CERK: variants seen among roughly 807,000 people sequenced by gnomAD.
CERK encodes ceramide kinase.
CERK carries 39 observed loss-of-function variants against 63.4 expected under a neutral mutation model. The observed-to-expected ratio is 0.61, with a 90% CI of 0.48 to 0.80. CERK has a LOEUF of 0.80. CERK is among the 30% of genes least tolerant of loss of function. The pLI is 0.00. For synonymous variants in CERK, 302 were observed against 280.0 expected (o/e 1.08, Z -0.78); for missense variants, 670 against 714.1 (o/e 0.94, Z 0.70).
At chr22:46,712,883 C>T (rs1341423247) in intron 3 of CERK, among the ~76,000 whole-genome samples, 6 of 143,942 alleles carry the variant, frequency 4.2e-5, no homozygotes, top group Admixed American at 7.1e-5. Context: ...CTCGCTCTGT[C>T]GCCCAGGCTG....
In CERK at chr22:46,699,815, G is replaced by A. The variant is rs545906159; in HGVS notation, c.791-350C>T. 5.9e-5 allele frequency among the ~76,000 whole-genome samples: 9 copies of A among 152,370 alleles called. No homozygotes were observed. The East Asian group carries it at 1.7e-3, about 29-fold the overall frequency. ...TTTAAAATACAAAATCAAGCCGAGT[G>A]CAGTGGTTCACGCCTGTAATCCCAG... On this transcript the variant is annotated intron_variant, in intron 7 of 12. Coordinates refer to ENST00000216264, the MANE Select transcript of CERK (RefSeq NM_022766.6).
At chr22:46,696,893 G>T (rs988936946) in intron 8 of CERK, among the ~76,000 whole-genome samples, 2 of 152,240 alleles carry the variant, frequency 1.3e-5, no homozygotes, top group Non-Finnish European at 2.9e-5. Flanking sequence ...CCAGCAGGCA[G>T]GGACAGGGAG....
chr22:46,695,002 T>C (rs1456338551), intron 9 of CERK, among the ~76,000 whole-genome samples: 9 of 152,220 alleles, frequency 5.9e-5, no homozygotes, highest in Admixed American at 5.9e-4. Flanking sequence ...CAGCAGCAGC[T>C]GCCTGCGCAG....
chr22:46,689,965 T>G, intron 12 of CERK, 27 bp downstream of exon 12: 1 of 1,562,424 alleles, frequency 6.4e-7, no homozygotes, highest in Non-Finnish European at 8.7e-7. Context: ...GGGATGGCGC[T>G]GGTGGCTGGA....
intron 9 of CERK, 70 bp from the exon 10 acceptor site, chr22:46,693,573 T>C (rs1014765063): frequency 4.9e-6 from 6 of 1,224,980 alleles, no homozygotes; most frequent in East Asian, 2.3e-5. Flanking sequence ...TTGGCACATA[T>C]AGATGTATTT....
At chr22:46,702,223 A>ATATGTGTGTGTG (rs1555984593) in intron 6 of CERK, among the ~76,000 whole-genome samples, 8 of 84,786 alleles carry the variant, frequency 9.4e-5, no homozygotes, top group Admixed American at 3.1e-4. Flanking sequence ...AAATATATAT[A>ATATGTGTGTGTG]TGTGTGTGTG....
At chr22:46,725,488 G>A (rs1356747520) in intron 1 of CERK, among the ~76,000 whole-genome samples, 1 of 152,220 alleles carries the variant, frequency 6.6e-6, no homozygotes, top group African/African-American at 2.4e-5. Context: ...TCCCCGCACA[G>A]CACGTGGTGT....
chr22:46,719,820 C>A (rs9627539), intron 3 of CERK, among the ~76,000 whole-genome samples: 4,712 of 152,340 alleles, frequency 0.031, 248 homozygotes, highest in African/African-American at 0.11. Context: ...GAAACTGAGG[C>A]TCAGAAGGGT....
At chr22:46,694,156 G>A (rs553597667) in intron 9 of CERK, among the ~76,000 whole-genome samples, 16 of 152,238 alleles carry the variant, frequency 1.1e-4, no homozygotes, top group Non-Finnish European at 1.5e-4. Flanking sequence ...TCTGAAGTCT[G>A]CATGACTTAA....
rs1038407003 is a variant in CERK, at chr22:46,694,533, C to T, written c.1049+677G>A. ...ACTCAGCCTCCCCTCCCCGGTGGGGCGCCTCTTTCCCTTTGCATCCCCTCT... is the reference window on the plus strand; with the variant it reads ...ACTCAGCCTCCCCTCCCCGGTGGGGTGCCTCTTTCCCTTTGCATCCCCTCT... On this transcript the variant is annotated intron_variant, in intron 9 of 12. Transcript: ENST00000216264. Among the ~76,000 whole-genome samples the T allele has an allele frequency of 9.2e-5, 14 of 151,944 alleles. 1 individual carries two copies. The highest frequency in any genetic ancestry group is 5.9e-5 in the Non-Finnish European group (4 of 67,972).
At chr22:46,718,671 C>A (rs909749755) in intron 3 of CERK, among the ~76,000 whole-genome samples, 1 of 152,188 alleles carries the variant, frequency 6.6e-6, no homozygotes, top group Non-Finnish European at 1.5e-5. Flanking sequence ...TTTTAATAAA[C>A]TGAAATTCAC....
intron 6 of CERK, among the ~76,000 whole-genome samples, chr22:46,702,993 A>G (rs2082795096): frequency 6.6e-6 from 1 of 152,148 alleles, no homozygotes; most frequent in South Asian, 2.1e-4. Flanking sequence ...CGCGAGAAGG[A>G]CGGGGCTCCA....
intron 7 of CERK, 51 bp from the exon 8 acceptor site, chr22:46,699,516 C>G (rs1353862132): frequency 3.5e-5 from 55 of 1,555,568 alleles, no homozygotes; most frequent in Non-Finnish European, 4.6e-5. Flanking sequence ...CAGCCCCGCC[C>G]CATCCACTCC....
chr22:46,730,203 A>G (rs1021909161), intron 1 of CERK, among the ~76,000 whole-genome samples: 3 of 150,778 alleles, frequency 2.0e-5, no homozygotes, highest in Admixed American at 6.6e-5. Flanking sequence ...AGATTGCCTG[A>G]GCTCAGGAGT....
intron 3 of CERK, among the ~76,000 whole-genome samples, chr22:46,719,264 T>G (rs1019302018): frequency 6.6e-6 from 1 of 152,078 alleles, no homozygotes; most frequent in Non-Finnish European, 1.5e-5. Context: ...GGGGGTTTGG[T>G]GTACAGATTA....
intron 11 of CERK, among the ~76,000 whole-genome samples, chr22:46,690,461 C>T (rs1019752579): frequency 7.2e-5 from 11 of 152,072 alleles, no homozygotes; most frequent in African/African-American, 2.4e-4. Flanking sequence ...GCCCACCTTC[C>T]GCGGCACTTG....
chr22:46,730,157 C>T (rs1054035865), intron 1 of CERK, among the ~76,000 whole-genome samples: 5 of 152,030 alleles, frequency 3.3e-5, no homozygotes, highest in African/African-American at 1.2e-4. Context: ...GTGGCTCACG[C>T]CTGTAATCCT....
chr22:46,726,911 C>T (rs1254648871), intron 1 of CERK, among the ~76,000 whole-genome samples: 3 of 152,212 alleles, frequency 2.0e-5, no homozygotes, highest in African/African-American at 7.2e-5. Context: ...ACTGCGTGTC[C>T]CCAGCCCTTG....
rs539491109 is a variant in CERK, at chr22:46,720,082, G to A, written c.379+4C>T. ...CCTGTCTCTCAGTCCAAACACACACGTACTCAGCTTCTCCAGCATCTCCCG... is the reference window on the plus strand; with the variant it reads ...CCTGTCTCTCAGTCCAAACACACACATACTCAGCTTCTCCAGCATCTCCCG... On this transcript the variant is annotated splice_donor_region_variant and intron_variant, in intron 3 of 12. Transcript: ENST00000216264. 1.5e-5 allele frequency: 25 copies of A among 1,613,034 alleles called. No individual in the cohort carries two copies. The South Asian group carries it at 1.6e-4, about 11-fold the overall frequency.
Sources: allele counts gnomAD v4.1 joint callset (sites outside exome capture counted in the v4.1 genomes callset), GRCh38; gene constraint gnomAD v4.1.1; transcripts MANE v1.5; gene names NCBI Gene and HGNC (gene_info 2026-07-23, HGNC 2026-07-21).